ALK: variants seen among roughly 807,000 people sequenced by gnomAD.
The protein encoded by ALK is ALK receptor tyrosine kinase.
ALK carries 74 observed loss-of-function variants against 163.1 expected under a neutral mutation model. The observed-to-expected ratio is 0.45, with a 90% CI of 0.38 to 0.55. The LOEUF is 0.55. ALK is among the 20% of genes least tolerant of loss of function. The pLI, the probability that ALK is intolerant of heterozygous loss-of-function variation, is 0.00. For synonymous variants in ALK, 960 were observed against 843.2 expected, an observed-to-expected ratio of 1.14 and a Z score of -2.40; for missense variants, 2,063 against 2,105.3, an observed-to-expected ratio of 0.98 and a Z score of 0.39.
intron 4 of ALK, among the ~76,000 whole-genome samples, chr2:29,485,517 G>C (rs947767171): frequency 6.6e-6 from 1 of 152,152 alleles, no homozygotes; most frequent in Non-Finnish European, 1.5e-5. Context: ...TATCTTAAAT[G>C]TATTCATTTG....
At chr2:29,760,447 T>C (rs1680668663) in intron 1 of ALK, among the ~76,000 whole-genome samples, 1 of 152,226 alleles carries the variant, frequency 6.6e-6, no homozygotes, top group Non-Finnish European at 1.5e-5. Context: ...CTAGTTACTA[T>C]ACCAGATACA....
chr2:29,431,706 G>A (rs1411292914), intron 4 of ALK, among the ~76,000 whole-genome samples: 1 of 152,116 alleles, frequency 6.6e-6, no homozygotes, highest in Non-Finnish European at 1.5e-5. Flanking sequence ...CTAGGTCATG[G>A]TGATGGTGCT....
chr2:29,303,195 T>C (rs1042037120), intron 8 of ALK, among the ~76,000 whole-genome samples: 1 of 151,988 alleles, frequency 6.6e-6, no homozygotes, highest in African/African-American at 2.4e-5. Context: ...TCATTAAAAA[T>C]AACACCTTTG....
At chr2:29,352,903 G>T (rs1196425695) in intron 5 of ALK, among the ~76,000 whole-genome samples, 1 of 152,230 alleles carries the variant, frequency 6.6e-6, no homozygotes, top group East Asian at 1.9e-4. Flanking sequence ...AGCTGTCATT[G>T]TTCATTCCTG....
chr2:29,605,095 C>G (rs529767897), intron 3 of ALK, among the ~76,000 whole-genome samples: 6 of 152,180 alleles, frequency 3.9e-5, no homozygotes, highest in African/African-American at 1.4e-4. Context: ...AGTCAGTAGT[C>G]CCCTACCTTT....
At chr2:29,801,979 G>A (rs1664477800) in intron 1 of ALK, among the ~76,000 whole-genome samples, 1 of 152,112 alleles carries the variant, frequency 6.6e-6, no homozygotes, top group Non-Finnish European at 1.5e-5. Flanking sequence ...AAATAATAAT[G>A]ATGATAATAA....
At chr2:29,673,039 G>C (rs1446706254) in intron 3 of ALK, among the ~76,000 whole-genome samples, 2 of 127,254 alleles carry the variant, frequency 1.6e-5, no homozygotes, top group Admixed American at 7.7e-5. Context: ...TTTTTTTCTT[G>C]TAAATTTGTT....
At chr2:29,230,024 C>T (rs1664149400) in intron 15 of ALK, among the ~76,000 whole-genome samples, 1 of 152,202 alleles carries the variant, frequency 6.6e-6, no homozygotes, top group African/African-American at 2.4e-5. Context: ...TTTGAGATTC[C>T]AGGATATCCC....
At chr2:29,254,617 T>C (rs978942241) in intron 11 of ALK, among the ~76,000 whole-genome samples, 2 of 152,202 alleles carry the variant, frequency 1.3e-5, no homozygotes, top group Non-Finnish European at 2.9e-5. Context: ...TTGTACAACC[T>C]CTCTAAGCCT....
chr2:29,802,853 C>T (rs1664521183), intron 1 of ALK, among the ~76,000 whole-genome samples: 1 of 148,274 alleles, frequency 6.7e-6, no homozygotes, highest in Admixed American at 6.8e-5. Context: ...GGTTGAAAAA[C>T]CAAACAGAAG....
intron 7 of ALK, among the ~76,000 whole-genome samples, chr2:29,319,479 C>T (rs1212049100): frequency 6.6e-6 from 1 of 152,136 alleles, no homozygotes; most frequent in Non-Finnish European, 1.5e-5. Context: ...GCAGGCGGGT[C>T]ACAATTGTTC....
chr2:29,679,544 A>C (rs138456562), intron 3 of ALK, among the ~76,000 whole-genome samples: 46 of 151,754 alleles, frequency 3.0e-4, no homozygotes, highest in African/African-American at 1.1e-3. Flanking sequence ...AGTTTATCAC[A>C]GTCTATTTAA....
intron 1 of ALK, among the ~76,000 whole-genome samples, chr2:29,815,824 A>T (rs886116880): frequency 6.6e-6 from 1 of 152,012 alleles, no homozygotes; most frequent in Non-Finnish European, 1.5e-5. Flanking sequence ...GAAATTCCAT[A>T]TACACTCTTT....
intron 3 of ALK, among the ~76,000 whole-genome samples, chr2:29,532,658 C>T (rs1673152233): frequency 6.6e-6 from 1 of 152,178 alleles, no homozygotes; most frequent in African/African-American, 2.4e-5. Context: ...TTGTTGTGCC[C>T]ATGGCAGAGT....
intron 9 of ALK, among the ~76,000 whole-genome samples, chr2:29,285,853 G>A (rs1366175343): frequency 4.3e-4 from 66 of 152,128 alleles, no homozygotes; most frequent in Admixed American, 2.6e-4. Context: ...ATGAGCCACC[G>A]CACCTGGCCT....
At chr2:29,454,561 T>C (rs949286727) in intron 4 of ALK, among the ~76,000 whole-genome samples, 4 of 152,300 alleles carry the variant, frequency 2.6e-5, no homozygotes, top group Admixed American at 2.6e-4. Flanking sequence ...GTCTTCCAAA[T>C]CTAAGGAGAC....
chr2:29,530,286 C>T (rs1187406184), intron 4 of ALK, among the ~76,000 whole-genome samples: 1 of 152,160 alleles, frequency 6.6e-6, no homozygotes, highest in Non-Finnish European at 1.5e-5. Context: ...ATTTGCAAGG[C>T]CCTATGGCCA....
intron 1 of ALK, among the ~76,000 whole-genome samples, chr2:29,864,444 C>T (rs1321003565): frequency 6.6e-6 from 1 of 152,206 alleles, no homozygotes; most frequent in Non-Finnish European, 1.5e-5. Context: ...ACAGCACTCA[C>T]CACAACATAC....
At chr2:29,318,785 C>T (rs756406978) in intron 7 of ALK, among the ~76,000 whole-genome samples, 25 of 152,096 alleles carry the variant, frequency 1.6e-4, no homozygotes, top group Non-Finnish European at 2.8e-4. Flanking sequence ...CCAGGATAGT[C>T]TCGATCTCCT....
Sources: gnomAD v4.1 joint callset for allele counts (sites outside exome capture counted in the v4.1 genomes callset) on GRCh38, gnomAD v4.1.1 for gene constraint, MANE v1.5 for transcripts, NCBI Gene and HGNC (gene_info 2026-07-23, HGNC 2026-07-21) for gene names.